The following CMTM6 variants were observed in gnomAD, a reference collection of about 807,000 sequenced individuals.
CMTM6 encodes the protein CKLF like MARVEL transmembrane domain containing 6, also known as CKLF-like MARVEL transmembrane domain-containing protein 6.
In CMTM6, 5 loss-of-function variants were observed where a neutral mutation model predicts 13.6. The observed-to-expected ratio is 0.37, with a 90% confidence interval of 0.19 to 0.77. CMTM6 has a LOEUF of 0.77. Ranked by LOEUF, CMTM6 falls within the 30% of genes least tolerant of loss-of-function variation. The pLI, the probability that CMTM6 is intolerant of heterozygous loss-of-function variation, is 0.50. For missense variants in CMTM6, 196 were observed against 218.6 expected (o/e 0.90, Z 0.65); for synonymous variants, 99 against 84.5 (o/e 1.17, Z -0.94).
intron 1 of CMTM6, among the ~76,000 whole-genome samples, chr3:32,497,834 G>A (rs1280696698): frequency 2.0e-5 from 3 of 150,432 alleles, no homozygotes; most frequent in African/African-American, 7.4e-5. Context: ...CTCCAGCTTG[G>A]GTGACAGAGC....
Position 32,502,777 on chromosome 3 carries a change from C to A in CMTM6, c.-32G>T, listed in dbSNP as rs759545061. 8.6e-6 allele frequency: 12 copies of A among 1,403,130 alleles called. No individual in the cohort carries two copies. The South Asian group carries it at 1.7e-4, about 19-fold the overall frequency. 86.9% of individuals were successfully genotyped at this position (1,403,130 alleles called of 1,614,324 possible). ...GGGCCGGGGAGCGCGGCGGCCGCAGCAACCGCGCCGTTGACTTCTCGGACT... is the reference window on the plus strand; with the variant it reads ...GGGCCGGGGAGCGCGGCGGCCGCAGAAACCGCGCCGTTGACTTCTCGGACT... On this transcript the variant is annotated 5_prime_UTR_variant, in exon 1 of 4. Transcript: ENST00000205636.
chr3:32,488,379 AAAC>A (rs1467109963), intron 2 of CMTM6: 1 of 163,116 alleles, frequency 6.1e-6, no homozygotes, highest in Admixed American at 6.3e-5. Context: ...AAAAAAAAAA[AAAC>A]AGTCCCGGAA....
At chr3:32,499,913 A>C (rs1188003364) in intron 1 of CMTM6, among the ~76,000 whole-genome samples, 2 of 152,050 alleles carry the variant, frequency 1.3e-5, no homozygotes, top group African/African-American at 2.4e-5. Flanking sequence ...AAAAAAAAAA[A>C]AACCTTAAGA....
intron 1 of CMTM6, among the ~76,000 whole-genome samples, chr3:32,501,918 T>G (rs1697348633): frequency 6.6e-6 from 1 of 152,184 alleles, no homozygotes; most frequent in South Asian, 2.1e-4. Context: ...CACGAACAGG[T>G]TTATGGTACT....
At chr3:32,496,427 A>G (rs892015228) in intron 1 of CMTM6, among the ~76,000 whole-genome samples, 37 of 151,974 alleles carry the variant, frequency 2.4e-4, no homozygotes, top group Non-Finnish European at 4.3e-4. Context: ...ACCAAAAAAA[A>G]AAGAAAAAAA....
chr3:32,491,895 G>T lies in CMTM6; in HGVS notation c.139-9C>A. 6.3e-7 allele frequency: 1 copy of T among 1,593,640 alleles called. No homozygotes were observed. The highest frequency in any genetic ancestry group is 1.1e-5 in the South Asian group (1 of 88,568). On this transcript the variant is annotated splice_polypyrimidine_tract_variant and intron_variant, in intron 1 of 3. Transcript: ENST00000205636. Reference sequence around the variant, plus strand: ...GCCAGCAGAGACAGCAACTACAAATGAAGCAAAACATTTTACTTAAGTGTT... The same window carrying T: ...GCCAGCAGAGACAGCAACTACAAATTAAGCAAAACATTTTACTTAAGTGTT...
At chr3:32,498,498 G>T (rs921686118) in intron 1 of CMTM6, among the ~76,000 whole-genome samples, 2 of 151,938 alleles carry the variant, frequency 1.3e-5, no homozygotes, top group African/African-American at 4.8e-5. Flanking sequence ...GATTTGGGAA[G>T]TCTCAGTGAC....
chr3:32,502,462 C>G, intron 1 of CMTM6, 146 bp downstream of exon 1: 1 of 1,070,836 alleles, frequency 9.3e-7, no homozygotes, highest in Non-Finnish European at 1.3e-6. Context: ...CGCCCCCTTC[C>G]CCAGGCTGAG....
chr3:32,501,634 G>A lies in CMTM6; in HGVS notation c.138+974C>T, dbSNP rs142061929. On this transcript the variant is annotated intron_variant, in intron 1 of 3. Coordinates refer to ENST00000205636, the MANE Select transcript of CMTM6 (RefSeq NM_017801.3). ...ACTAGAGTTCTAAGAATTTAACTTCGGGTCATTTGAGTTGTAAGAATTTAA... is the reference window on the plus strand; with the variant it reads ...ACTAGAGTTCTAAGAATTTAACTTCAGGTCATTTGAGTTGTAAGAATTTAA... 3.4e-3 allele frequency among the ~76,000 whole-genome samples: 520 copies of A among 152,256 alleles called. 8 individuals are homozygous for A. Among genetic ancestry groups the A allele is most frequent in the Non-Finnish European group, 4.5e-3 (308 of 67,992 alleles).
intron 2 of CMTM6, among the ~76,000 whole-genome samples, chr3:32,489,168 G>T (rs1218944692): frequency 1.3e-5 from 2 of 150,998 alleles, no homozygotes; most frequent in African/African-American, 4.9e-5. Context: ...TATTCTGGAG[G>T]CTGAGGCAAG....
At chr3:32,502,491 G>A in intron 1 of CMTM6, 117 bp downstream of exon 1, 1 of 1,337,490 alleles carries the variant, frequency 7.5e-7, no homozygotes, top group Non-Finnish European at 1.0e-6. Flanking sequence ...AACTAGAGGT[G>A]TGGAAACCTC....
intron 1 of CMTM6, among the ~76,000 whole-genome samples, chr3:32,495,644 C>T (rs1697283903): frequency 1.3e-5 from 2 of 152,164 alleles, no homozygotes; most frequent in South Asian, 2.1e-4. Flanking sequence ...CTATTAGGCA[C>T]ACTCATGTGT....
In CMTM6 at chr3:32,483,785, C is replaced by T; in HGVS notation, c.*175G>A. 1.9e-6 allele frequency: 1 copy of T among 534,960 alleles called. No homozygotes were observed. The allele number at this position is 534,960 out of a possible 1,614,324, so 33.1% of individuals were successfully genotyped here. A position where few individuals can be genotyped will look rare whatever the true frequency, so the allele number is the denominator to read the frequency against. ...TAAAAAAAAATTTTTTTTAACTTAT[C>T]TGGCCTACTTTGTGGTGACTGACAC... On this transcript the variant is annotated 3_prime_UTR_variant, in exon 4 of 4. Transcript: ENST00000205636.
intron 1 of CMTM6, among the ~76,000 whole-genome samples, chr3:32,497,923 T>C (rs536879713): frequency 6.6e-6 from 1 of 150,410 alleles, no homozygotes; most frequent in South Asian, 2.1e-4. Flanking sequence ...TCACCAGCAT[T>C]AAATGCCAAA....
At chr3:32,501,951 A>G (rs1697348857) in intron 1 of CMTM6, among the ~76,000 whole-genome samples, 1 of 152,260 alleles carries the variant, frequency 6.6e-6, no homozygotes, top group Non-Finnish European at 1.5e-5. Context: ...AATAAACTCA[A>G]TAAAATGGAA....
intron 2 of CMTM6, 48 bp downstream of exon 2, chr3:32,491,662 G>C (rs377088109): frequency 4.1e-6 from 6 of 1,447,764 alleles, no homozygotes; most frequent in Admixed American, 4.4e-5. Context: ...AATTATGCCA[G>C]ATTACAAAAC....
At chr3:32,487,772 A>G in intron 3 of CMTM6, 166 bp downstream of exon 3, 1 of 490,778 alleles carries the variant, frequency 2.0e-6, no homozygotes, top group African/African-American at 1.9e-5. Flanking sequence ...TAGGTTTTAA[A>G]GGCTATCATA....
chr3:32,490,034 T>A (rs958027718), intron 2 of CMTM6, among the ~76,000 whole-genome samples: 2 of 152,132 alleles, frequency 1.3e-5, no homozygotes, highest in African/African-American at 4.8e-5. Context: ...TCACCTGAGG[T>A]CAGGAGTTTG....
At chr3:32,498,658 G>A (rs1377307823) in intron 1 of CMTM6, among the ~76,000 whole-genome samples, 1 of 146,830 alleles carries the variant, frequency 6.8e-6, no homozygotes, top group Non-Finnish European at 1.5e-5. Flanking sequence ...GAGTGCAGTG[G>A]CACGATCTTG....
Sources: allele counts gnomAD v4.1 joint callset (sites outside exome capture counted in the v4.1 genomes callset), GRCh38; gene constraint gnomAD v4.1.1; transcripts MANE v1.5; gene names NCBI Gene and HGNC (gene_info 2026-07-23, HGNC 2026-07-21).